The following TRIO variants were observed in gnomAD, a reference collection of about 807,000 sequenced individuals.
TRIO encodes trio Rho guanine nucleotide exchange factor.
Under a neutral mutation model 351.9 loss-of-function variants are expected in TRIO, and 58 were observed. The observed-to-expected ratio is 0.16, with a 90% CI of 0.13 to 0.21. TRIO has a LOEUF of 0.21. TRIO is among the 10% of genes least tolerant of loss of function. The pLI is 1.00. For synonymous variants in TRIO, 1,758 were observed against 1,595.7 expected (o/e 1.10, Z -2.42); for missense variants, 3,201 against 4,027.8 (o/e 0.79, Z 5.56).
intron 2 of TRIO, among the ~76,000 whole-genome samples, chr5:14,276,539 CTG>C (rs1333263426): frequency 6.6e-6 from 1 of 152,224 alleles, no homozygotes; most frequent in Non-Finnish European, 1.5e-5. Context: ...TTTTCACAAA[CTG>C]TGTCTTTCAG....
In TRIO at chr5:14,359,378, C is replaced by T; in HGVS notation, c.2238C>T (p.Asn746=). 1 of 1,613,694 alleles carries T rather than the reference C, an allele frequency of 6.2e-7. No individual in the cohort carries two copies. The highest frequency in any genetic ancestry group is 8.5e-7 in the Non-Finnish European group (1 of 1,179,582). ...QQLRDSAISS[N]KTPHNSSINH... ...GCAGGGACTCTGCCATCTCCAGTAA[C>T]AAGACCCCCCACAACAGCTCCATCA... Residue 746 remains asparagine, a synonymous_variant, in exon 13 of 57, where the codon AAC becomes AAT. Transcript: ENST00000344204.
intron 16 of TRIO, among the ~76,000 whole-genome samples, chr5:14,367,421 A>T (rs969384145): frequency 2.0e-5 from 3 of 152,206 alleles, no homozygotes; most frequent in African/African-American, 7.2e-5. Context: ...CAGCAAGACC[A>T]GGTGTATATC....
intron 7 of TRIO, among the ~76,000 whole-genome samples, chr5:14,297,943 A>G (rs1373035363): frequency 6.6e-6 from 1 of 152,194 alleles, no homozygotes; most frequent in Non-Finnish European, 1.5e-5. Context: ...CATTATTTCC[A>G]GAGGCCCCGC....
intron 40 of TRIO, 68 bp from the exon 41 acceptor site, chr5:14,476,826 G>T: frequency 1.1e-5 from 14 of 1,296,192 alleles, no homozygotes; most frequent in East Asian, 2.4e-5. Flanking sequence ...AAGAAAAAAT[G>T]TAAACCTAAA....
intron 34 of TRIO, among the ~76,000 whole-genome samples, chr5:14,456,547 A>G (rs1034155755): frequency 2.0e-5 from 3 of 152,236 alleles, no homozygotes; most frequent in Non-Finnish European, 4.4e-5. Flanking sequence ...CACAGTGCCA[A>G]AAGGACAGGA....
intron 53 of TRIO, among the ~76,000 whole-genome samples, chr5:14,502,151 A>C (rs572097032): frequency 6.6e-6 from 1 of 152,108 alleles, no homozygotes; most frequent in Non-Finnish European, 1.5e-5. Context: ...GGAGAGAGCA[A>C]CTTAGCCTCG....
At position 14,457,411 on chromosome 5, in the gene TRIO, T is replaced by G. The variant is rs377143790; in HGVS notation, c.5204-3608T>G. 1.4e-3 allele frequency among the ~76,000 whole-genome samples: 161 copies of G among 112,742 alleles called. 1 individual carries two copies. Among genetic ancestry groups the G allele is most frequent in the African/African-American group, 5.0e-3 (148 of 29,512 alleles). The allele number at this position is 112,742 out of a possible 152,430, so 74.0% of individuals were successfully genotyped here. A position where few individuals can be genotyped will look rare whatever the true frequency, so the allele number is the denominator to read the frequency against. On this transcript the variant is annotated intron_variant, in intron 34 of 56. Coordinates refer to ENST00000344204, the MANE Select transcript of TRIO (RefSeq NM_007118.4). The stretch of plus-strand genomic sequence containing the variant: ...CCGCCCCGCCCCCCGGTACTAGGAG[T>G]GACCATTTAGGCCATAGCCACATTT...
chr5:14,267,152 C>T (rs773701769), intron 1 of TRIO, among the ~76,000 whole-genome samples: 2 of 152,076 alleles, frequency 1.3e-5, no homozygotes, highest in Non-Finnish European at 2.9e-5. Flanking sequence ...GCCATTTACC[C>T]TCTGGTTATC....
chr5:14,486,861 G>A (rs1755953220), intron 47 of TRIO, among the ~76,000 whole-genome samples: 1 of 152,024 alleles, frequency 6.6e-6, no homozygotes, highest in Non-Finnish European at 1.5e-5. Flanking sequence ...TGGGGCTGGG[G>A]GGCTGCATCT....
At chr5:14,363,079 A>G (rs1237909158) in intron 13 of TRIO, among the ~76,000 whole-genome samples, 1 of 150,614 alleles carries the variant, frequency 6.6e-6, no homozygotes, top group Non-Finnish European at 1.5e-5. Context: ...GCTTACTGCA[A>G]CCTCTGCCTC....
intron 8 of TRIO, among the ~76,000 whole-genome samples, chr5:14,315,117 C>G (rs991897576): frequency 6.6e-6 from 1 of 152,134 alleles, no homozygotes; most frequent in African/African-American, 2.4e-5. Context: ...GGGTCACTTG[C>G]CACCAGGTTT....
At chr5:14,416,719 T>C (rs912404431) in intron 33 of TRIO, among the ~76,000 whole-genome samples, 3 of 152,314 alleles carry the variant, frequency 2.0e-5, no homozygotes, top group South Asian at 2.1e-4. Flanking sequence ...TAATCCTCCT[T>C]CTTCGGCAGC....
chr5:14,234,499 C>A (rs1472077241), intron 1 of TRIO, among the ~76,000 whole-genome samples: 1 of 152,198 alleles, frequency 6.6e-6, no homozygotes, highest in Admixed American at 6.5e-5. Flanking sequence ...GTTTTGCAAT[C>A]TCAGTAGATA....
Position 14,487,591 on chromosome 5 carries a change from TGGCGGCCCCAGCAGCTGCGGC to T in TRIO, c.6968_6988del (p.Gly2323_Gly2329del), listed in dbSNP as rs1312607594. On this transcript the variant is annotated inframe_deletion, in exon 48 of 57. Transcript: ENST00000344204. The stretch of plus-strand genomic sequence containing the variant: ...CCCCCAGTGGCGGCAGCGGCCACAG[TGGCGGCCCCAGCAGCTGCGGC>T]GGCGCCCCCAGCACGAGCAGGAGCC... 8.7e-7 allele frequency: 1 copy of T among 1,153,452 alleles called. No homozygotes were observed. The highest frequency in any genetic ancestry group is 1.1e-6 in the Non-Finnish European group (1 of 930,070). 71.5% of individuals were successfully genotyped at this position (1,153,452 alleles called of 1,614,324 possible).
chr5:14,351,401 T>TA (rs1393107196), intron 11 of TRIO, among the ~76,000 whole-genome samples: 3 of 152,242 alleles, frequency 2.0e-5, no homozygotes. Flanking sequence ...TTGAAACTCC[T>TA]ACTTCTGCTT....
rs980924782 is a variant in TRIO, at chr5:14,419,882, G to A, written c.5064G>A (p.Arg1688=). The change falls in exon 34 of 57, where the codon CGG becomes CGA. Residue 1688 remains arginine (R), a synonymous_variant. Transcript: ENST00000344204. ...GCCAGACCGTGGAAGTTCTGGAGCG[G>A]CCGCATGACAAGCCTGACTGGTGTC... ...RRGQTVEVLE[R]PHDKPDWCLV... 5 of 1,614,042 alleles carry A rather than the reference G, an allele frequency of 3.1e-6. No individual in the cohort carries two copies. The highest frequency in any genetic ancestry group is 3.3e-5 in the Admixed American group (2 of 60,010).
intron 1 of TRIO, among the ~76,000 whole-genome samples, chr5:14,233,827 G>A (rs1460482583): frequency 6.6e-6 from 1 of 152,072 alleles, no homozygotes; most frequent in African/African-American, 2.4e-5. Context: ...GTCTCACTTT[G>A]TCACCCAGAT....
intron 21 of TRIO, among the ~76,000 whole-genome samples, chr5:14,383,994 C>G (rs1023025612): frequency 2.0e-5 from 3 of 152,188 alleles, no homozygotes; most frequent in African/African-American, 7.2e-5. Flanking sequence ...CTCCCATCCC[C>G]GGCTCGCTGA....
At chr5:14,420,546 C>G (rs1390286444) in intron 34 of TRIO, 2 of 153,108 alleles carry the variant, frequency 1.3e-5, no homozygotes, top group Admixed American at 1.3e-4. Context: ...TGTTGTTTCT[C>G]CAGAAATCTG....
Sources: allele counts gnomAD v4.1 joint callset (sites outside exome capture counted in the v4.1 genomes callset), GRCh38; gene constraint gnomAD v4.1.1; transcripts MANE v1.5; gene names NCBI Gene and HGNC (gene_info 2026-07-23, HGNC 2026-07-21).